The following IGSF21 variants were observed in gnomAD, a reference collection of about 807,000 sequenced individuals.
The protein encoded by IGSF21 is immunoglobin superfamily member 21.
Under a neutral mutation model 46.8 loss-of-function variants are expected in IGSF21, and 28 were observed. The observed-to-expected ratio is 0.60, with a 90% CI of 0.44 to 0.82. The LOEUF (loss-of-function observed/expected upper bound fraction) is 0.82. Among genes scored for constraint, IGSF21 ranks in the 40% least tolerant of loss-of-function variants. The pLI is 0.00. For missense variants in IGSF21, 624 were observed against 665.5 expected, an observed-to-expected ratio of 0.94 and a Z score of 0.69; for synonymous variants, 284 against 273.6, an observed-to-expected ratio of 1.04 and a Z score of -0.38.
chr1:18,316,621 G>A lies in IGSF21; in HGVS notation c.306-18271G>A, dbSNP rs566495020. ...TGTCTCTGGGATGCCAATTCCTCCC[G>A]GATAAGACCCTGATTTGATTTTACC... On this transcript the variant is annotated intron_variant, in intron 3 of 9. Coordinates refer to ENST00000251296, the MANE Select transcript of IGSF21 (RefSeq NM_032880.5). Among the ~76,000 whole-genome samples, 56 of 152,220 alleles carry A rather than the reference G, an allele frequency of 3.7e-4. No homozygotes were observed. In the South Asian group the frequency reaches 5.8e-3, roughly 16 times the overall value.
At chr1:18,265,633 C>T (rs2084982951) in intron 2 of IGSF21, among the ~76,000 whole-genome samples, 1 of 152,314 alleles carries the variant, frequency 6.6e-6, no homozygotes, top group East Asian at 1.9e-4. Context: ...GTTTCCAGGC[C>T]AACTCCTGTG....
At chr1:18,173,016 C>T (rs541855918) in intron 1 of IGSF21, among the ~76,000 whole-genome samples, 18 of 152,274 alleles carry the variant, frequency 1.2e-4, no homozygotes, top group East Asian at 9.6e-4. Context: ...AGGCCAGGTG[C>T]GGTGGCTCAC....
chr1:18,317,646 TC>T (rs1490785137), intron 3 of IGSF21, among the ~76,000 whole-genome samples: 34 of 152,162 alleles, frequency 2.2e-4, no homozygotes, highest in Admixed American at 4.6e-4. Flanking sequence ...CCTTTTCTTT[TC>T]CCCCACTCAG....
At chr1:18,311,281 A>C (rs2085486129) in intron 3 of IGSF21, among the ~76,000 whole-genome samples, 1 of 152,170 alleles carries the variant, frequency 6.6e-6, no homozygotes, top group Admixed American at 6.5e-5. Flanking sequence ...CAGACATTGC[A>C]GAAGCAGCAC....
At chr1:18,309,894 C>G (rs545520095) in intron 3 of IGSF21, among the ~76,000 whole-genome samples, 4 of 152,308 alleles carry the variant, frequency 2.6e-5, no homozygotes, top group Non-Finnish European at 4.4e-5. Flanking sequence ...CATTAGCTCT[C>G]CTGCTCTGTT....
chr1:18,176,268 T>C (rs2086795420), intron 1 of IGSF21: 1 of 152,212 alleles, frequency 6.6e-6, no homozygotes, highest in African/African-American at 2.4e-5. Context: ...CAGAGAGGCA[T>C]CCTAGCTTAA....
chr1:18,167,933 TCTCCCTG>T (rs150840800), intron 1 of IGSF21, among the ~76,000 whole-genome samples: 1,652 of 152,176 alleles, frequency 0.011, 24 homozygotes, highest in African/African-American at 0.038. Flanking sequence ...TCCTCATTCT[TCTCCCTG>T]CTCCACGTGC....
intron 2 of IGSF21, among the ~76,000 whole-genome samples, chr1:18,265,132 CT>C (rs1431909329): frequency 4.6e-5 from 7 of 152,222 alleles, no homozygotes; most frequent in African/African-American, 1.4e-4. Context: ...CCTGAACTGA[CT>C]TGAAATGACT....
chr1:18,154,261 G>A (rs1349833883), intron 1 of IGSF21, among the ~76,000 whole-genome samples: 2 of 152,140 alleles, frequency 1.3e-5, no homozygotes, highest in South Asian at 2.1e-4. Context: ...AGGGGACTTG[G>A]ATGGGATTTG....
intron 2 of IGSF21, among the ~76,000 whole-genome samples, chr1:18,243,190 C>T (rs1300275330): frequency 2.0e-5 from 3 of 152,132 alleles, no homozygotes; most frequent in African/African-American, 7.2e-5. Context: ...AGCTCTGGAC[C>T]CCTCCCTAGA....
At chr1:18,230,488 A>T (rs1261908341) in intron 2 of IGSF21, among the ~76,000 whole-genome samples, 2 of 152,126 alleles carry the variant, frequency 1.3e-5, no homozygotes, top group Admixed American at 6.5e-5. Context: ...TGCAAATCAC[A>T]TGCAAATCAC....
chr1:18,285,569 C>T (rs999696700), intron 2 of IGSF21, among the ~76,000 whole-genome samples: 1 of 152,184 alleles, frequency 6.6e-6, no homozygotes, highest in Non-Finnish European at 1.5e-5. Flanking sequence ...GAGAGAGGAA[C>T]AGTGCAGAGA....
At chr1:18,217,730 A>G (rs1307544064) in intron 1 of IGSF21, among the ~76,000 whole-genome samples, 1 of 152,128 alleles carries the variant, frequency 6.6e-6, no homozygotes, top group Non-Finnish European at 1.5e-5. Flanking sequence ...CTCCATTTAG[A>G]AGCAAGGGGG....
intron 4 of IGSF21, among the ~76,000 whole-genome samples, chr1:18,344,372 G>T (rs2085872224): frequency 6.6e-6 from 1 of 152,122 alleles, no homozygotes. Context: ...GTCTCACTCT[G>T]TTGGTCAGGC....
intron 2 of IGSF21, 31 bp from the exon 3 acceptor site, chr1:18,291,835 C>T (rs1256427540): frequency 1.2e-6 from 2 of 1,610,818 alleles, no homozygotes; most frequent in Non-Finnish European, 8.5e-7. Context: ...GTTGAGCACT[C>T]ACGTGTGGCT....
chr1:18,339,510 T>G (rs1296773114), intron 4 of IGSF21, among the ~76,000 whole-genome samples: 3 of 152,212 alleles, frequency 2.0e-5, no homozygotes, highest in Middle Eastern at 3.4e-3. Flanking sequence ...GGTGGGTGGA[T>G]CTCTTGAGCC....
intron 1 of IGSF21, among the ~76,000 whole-genome samples, chr1:18,225,085 T>TCTCTCTCTCTCTCTCTCTCA: frequency 5.8e-4 from 30 of 51,610 alleles, no homozygotes; most frequent in East Asian, 4.9e-3. Flanking sequence ...TCTCTCTCTC[T>TCTCTCTCTCTCTCTCTCTCA]CACACACACA....
intron 1 of IGSF21, among the ~76,000 whole-genome samples, chr1:18,186,213 G>A (rs967523932): frequency 2.6e-5 from 4 of 152,108 alleles, no homozygotes; most frequent in African/African-American, 7.2e-5. Flanking sequence ...AATTGGCTTG[G>A]GGAGGGCAAA....
At chr1:18,222,229 T>C (rs531964776) in intron 1 of IGSF21, among the ~76,000 whole-genome samples, 1 of 152,148 alleles carries the variant, frequency 6.6e-6, no homozygotes, top group South Asian at 2.1e-4. Flanking sequence ...TTGAGCCTCC[T>C]CTCTAGTTTT....
Sources: allele counts gnomAD v4.1 joint callset (sites outside exome capture counted in the v4.1 genomes callset), GRCh38; gene constraint gnomAD v4.1.1; transcripts MANE v1.5; gene names NCBI Gene and HGNC (gene_info 2026-07-23, HGNC 2026-07-21).